AGTPBP1: variants seen among roughly 807,000 people sequenced by gnomAD.
AGTPBP1 encodes the protein ATP/GTP binding carboxypeptidase 1.
In AGTPBP1, 70 loss-of-function variants were observed where a neutral mutation model predicts 143.9. The ratio of observed to expected loss-of-function variants is 0.49; its 90% confidence interval spans 0.40 to 0.59. The LOEUF (loss-of-function observed/expected upper bound fraction) is 0.59. AGTPBP1 is among the 20% of genes least tolerant of loss of function. The pLI is 0.00. For missense variants in AGTPBP1, 1,229 were observed against 1,464.5 expected (o/e 0.84, Z 2.62); for synonymous variants, 463 against 500.2 (o/e 0.93, Z 0.99).
chr9:85,787,902 C>T, the AGTPBP1 span: 4 of 152,078 alleles, frequency 2.6e-5, no homozygotes, highest in Non-Finnish European at 5.9e-5. Context: ...TTTGTCCTTT[C>T]CTCTGTTGCT....
At chr9:85,792,496 G>A in the AGTPBP1 span, among the ~76,000 whole-genome samples, 956 of 152,292 alleles carry the variant, frequency 6.3e-3, 16 homozygotes, top group African/African-American at 0.022. Context: ...AAGCCCATCC[G>A]TTTCACTAGA....
chr9:85,698,052 A>C (rs1206767548), intron 2 of AGTPBP1, among the ~76,000 whole-genome samples: 1 of 151,904 alleles, frequency 6.6e-6, no homozygotes, highest in African/African-American at 2.4e-5. Context: ...TTAATAACTG[A>C]CCATTTTGTT....
chr9:85,724,411 C>A (rs991282149), intron 1 of AGTPBP1, among the ~76,000 whole-genome samples: 1 of 151,802 alleles, frequency 6.6e-6, no homozygotes, highest in Non-Finnish European at 1.5e-5. Context: ...TACTGAATAA[C>A]CAGTTATATA....
the AGTPBP1 span, among the ~76,000 whole-genome samples, chr9:85,779,229 A>C: frequency 8.4e-6 from 1 of 118,840 alleles, no homozygotes; most frequent in Non-Finnish European, 1.7e-5. Context: ...ATATAGATAT[A>C]GATATAGATA....
chr9:85,776,412 G>A, the AGTPBP1 span, among the ~76,000 whole-genome samples: 1 of 152,130 alleles, frequency 6.6e-6, no homozygotes, highest in Non-Finnish European at 1.5e-5. Flanking sequence ...GCACGTTGTG[G>A]GTTTTTCTCC....
At chr9:85,620,661 G>A (rs1830875906) in intron 15 of AGTPBP1, among the ~76,000 whole-genome samples, 1 of 152,016 alleles carries the variant, frequency 6.6e-6, no homozygotes, top group East Asian at 1.9e-4. Context: ...AATAGTAAAT[G>A]ACTAACACAT....
intron 18 of AGTPBP1, among the ~76,000 whole-genome samples, chr9:85,593,924 A>G (rs1240511259): frequency 6.6e-6 from 1 of 152,230 alleles, no homozygotes; most frequent in African/African-American, 2.4e-5. Flanking sequence ...TTAAGCCATG[A>G]AATGAAGAAA....
At chr9:85,581,637 A>T (rs1200103452) in intron 23 of AGTPBP1, among the ~76,000 whole-genome samples, 5 of 152,184 alleles carry the variant, frequency 3.3e-5, no homozygotes, top group Admixed American at 3.3e-4. Flanking sequence ...TAGTCATCTC[A>T]TTCAGGAATG....
chr9:85,735,007 C>CCTGG (rs1425902426), intron 1 of AGTPBP1, among the ~76,000 whole-genome samples: 1 of 152,066 alleles, frequency 6.6e-6, no homozygotes, highest in Non-Finnish European at 1.5e-5. Flanking sequence ...TGCCCTCCAG[C>CCTGG]CTGGGCAACA....
intron 17 of AGTPBP1, among the ~76,000 whole-genome samples, chr9:85,600,974 C>T (rs974538538): frequency 4.6e-5 from 7 of 152,212 alleles, no homozygotes; most frequent in Non-Finnish European, 7.4e-5. Context: ...CTACCCACAG[C>T]CACCACCACT....
At chr9:85,741,598 G>C (rs1413808699) in intron 1 of AGTPBP1, 177 bp downstream of exon 1, 2 of 985,318 alleles carry the variant, frequency 2.0e-6, no homozygotes, top group Non-Finnish European at 2.4e-6. Context: ...TCAAGACCGA[G>C]TGCGTTCCCC....
chr9:85,563,373 T>C (rs1358221039), intron 25 of AGTPBP1, among the ~76,000 whole-genome samples: 2 of 152,160 alleles, frequency 1.3e-5, no homozygotes, highest in East Asian at 3.8e-4. Flanking sequence ...GCTTCAGACT[T>C]CTTAAAGAAT....
intron 25 of AGTPBP1, among the ~76,000 whole-genome samples, chr9:85,564,796 C>T (rs939470808): frequency 6.6e-6 from 1 of 152,100 alleles, no homozygotes; most frequent in Non-Finnish European, 1.5e-5. Context: ...TATTGTTAAA[C>T]GATGCATGAC....
At chr9:85,700,978 C>T (rs62569258) in intron 2 of AGTPBP1, among the ~76,000 whole-genome samples, 2,547 of 151,930 alleles carry the variant, frequency 0.017, 26 homozygotes, top group Middle Eastern at 0.055. Flanking sequence ...AGTGCAGTGG[C>T]GCAATCTCGG....
intron 15 of AGTPBP1, among the ~76,000 whole-genome samples, chr9:85,620,817 T>G (rs1830886739): frequency 6.6e-6 from 1 of 152,202 alleles, no homozygotes; most frequent in Non-Finnish European, 1.5e-5. Context: ...TGGTAATTTG[T>G]TATCCTAATG....
chr9:85,635,699 C>T (rs1433534495), intron 13 of AGTPBP1, among the ~76,000 whole-genome samples: 6 of 151,954 alleles, frequency 3.9e-5, no homozygotes, highest in Admixed American at 3.9e-4. Flanking sequence ...TACAGATTTT[C>T]CCATCTCAAA....
intron 13 of AGTPBP1, among the ~76,000 whole-genome samples, chr9:85,635,274 C>A (rs1167727028): frequency 5.9e-5 from 9 of 152,156 alleles, no homozygotes; most frequent in Admixed American, 5.9e-4. Context: ...AATTAAGAAT[C>A]TTCCATTGTG....
At chr9:85,562,226 GCC>G (rs1826785683) in intron 25 of AGTPBP1, among the ~76,000 whole-genome samples, 2 of 138,666 alleles carry the variant, frequency 1.4e-5, no homozygotes, top group African/African-American at 2.8e-5. Flanking sequence ...CTAAAAGAAA[GCC>G]AAAAAAAAAA....
chr9:85,723,060 G>A (rs1838234784), intron 1 of AGTPBP1, among the ~76,000 whole-genome samples: 1 of 152,120 alleles, frequency 6.6e-6, no homozygotes, highest in Non-Finnish European at 1.5e-5. Context: ...CATCCCAGAG[G>A]GGCACTCACC....
Sources: allele counts gnomAD v4.1 joint callset (sites outside exome capture counted in the v4.1 genomes callset), GRCh38; gene constraint gnomAD v4.1.1; transcripts MANE v1.5; gene names NCBI Gene and HGNC (gene_info 2026-07-23, HGNC 2026-07-21).